Variants in CCSER1 observed in about 807,000 individuals in gnomAD.
CCSER1 encodes serine-rich coiled-coil domain-containing protein 1.
In CCSER1, 41 loss-of-function variants were observed where a neutral mutation model predicts 82.0. That is an observed-to-expected ratio of 0.50 (90% confidence interval 0.39 to 0.65). The LOEUF is 0.65. Ranked by LOEUF, CCSER1 falls within the 30% of genes least tolerant of loss-of-function variation. The pLI is 0.00. For synonymous variants in CCSER1, 414 were observed against 383.9 expected (o/e 1.08, Z -0.92); for missense variants, 1,119 against 1,064.2 (o/e 1.05, Z -0.72).
intron 7 of CCSER1, among the ~76,000 whole-genome samples, chr4:90,811,991 A>ACACACACAC (rs1561180858): frequency 8.5e-6 from 1 of 117,994 alleles, no homozygotes; most frequent in East Asian, 2.4e-4. Context: ...TATATATATA[A>ACACACACAC]ACACATATAT....
chr4:90,788,133 G>A (rs1433360025), intron 7 of CCSER1, among the ~76,000 whole-genome samples: 1 of 152,074 alleles, frequency 6.6e-6, no homozygotes, highest in East Asian at 1.9e-4. Context: ...ATAAGAATAA[G>A]CACTTGGAGA....
intron 10 of CCSER1, among the ~76,000 whole-genome samples, chr4:91,151,255 A>C (rs539465924): frequency 7.7e-4 from 117 of 152,000 alleles, no homozygotes; most frequent in South Asian, 1.5e-3. Context: ...GTTTATTTGC[A>C]TAGAGGTGCT....
At chr4:91,508,618 T>A (rs538592906) in intron 10 of CCSER1, among the ~76,000 whole-genome samples, 3 of 151,580 alleles carry the variant, frequency 2.0e-5, no homozygotes, top group Non-Finnish European at 4.4e-5. Context: ...ATTGACCATA[T>A]AGAATCATTT....
At chr4:90,347,568 G>C (rs911103881) in intron 3 of CCSER1, among the ~76,000 whole-genome samples, 1 of 152,084 alleles carries the variant, frequency 6.6e-6, no homozygotes, top group Admixed American at 6.5e-5. Context: ...CCCAGAACGT[G>C]AATCATCTCT....
chr4:90,461,498 G>T (rs1762923512), intron 4 of CCSER1, among the ~76,000 whole-genome samples: 1 of 152,140 alleles, frequency 6.6e-6, no homozygotes, highest in Non-Finnish European at 1.5e-5. Flanking sequence ...TTAAGGTATT[G>T]CCGATGACCT....
In CCSER1 at chr4:91,022,167, C is replaced by A. The variant is rs1317167914; in HGVS notation, c.2173-63783C>A. Reference sequence around the variant, plus strand: ...CCCTCCCCCCTCCCCCCACCCCACACCAGGCCCTGGTGTGTGATGTTCCCC... The same window carrying A: ...CCCTCCCCCCTCCCCCCACCCCACAACAGGCCCTGGTGTGTGATGTTCCCC... On this transcript the variant is annotated intron_variant, in intron 9 of 10. Transcript: ENST00000509176. 2.3e-5 allele frequency among the ~76,000 whole-genome samples: 3 copies of A among 128,558 alleles called. No individual in the cohort carries two copies. In the Admixed American group the frequency reaches 2.5e-4, roughly 11 times the overall value. The allele number at this position is 128,558 out of a possible 152,430, so 84.3% of individuals were successfully genotyped here.
intron 1 of CCSER1, among the ~76,000 whole-genome samples, chr4:90,267,035 T>G (rs1237459506): frequency 6.6e-6 from 1 of 152,004 alleles, no homozygotes; most frequent in Non-Finnish European, 1.5e-5. Flanking sequence ...CCAAGCCAAC[T>G]CTTGGGGTCC....
At chr4:90,422,850 CTT>C (rs149684199) in intron 4 of CCSER1, among the ~76,000 whole-genome samples, 2,043 of 152,274 alleles carry the variant, frequency 0.013, 40 homozygotes, top group African/African-American at 0.046. Flanking sequence ...TATTTTCAAA[CTT>C]TGTCCCAAGT....
chr4:91,466,508 A>T (rs1756916718), intron 10 of CCSER1, among the ~76,000 whole-genome samples: 1 of 152,176 alleles, frequency 6.6e-6, no homozygotes, highest in Admixed American at 6.5e-5. Context: ...GGCCAGGGCA[A>T]TCAGGCAAGA....
At chr4:90,671,585 C>CT (rs1732811970) in intron 6 of CCSER1, among the ~76,000 whole-genome samples, 1 of 151,974 alleles carries the variant, frequency 6.6e-6, no homozygotes, top group African/African-American at 2.4e-5. Context: ...ACTTCCTCTC[C>CT]TGAAGTCTTT....
At chr4:90,475,431 T>C (rs1244186572) in intron 5 of CCSER1, among the ~76,000 whole-genome samples, 1 of 152,206 alleles carries the variant, frequency 6.6e-6, no homozygotes, top group Non-Finnish European at 1.5e-5. Flanking sequence ...AGCTGTTGCC[T>C]AAATATAGGT....
Position 90,933,028 on chromosome 4 carries a change from G to GAAAGAAAGAAAGA in CCSER1, c.2172+9584_2172+9596dup, listed in dbSNP as rs1554046177. 6.9e-5 allele frequency among the ~76,000 whole-genome samples: 6 copies of GAAAGAAAGAAAGA among 87,056 alleles called. No individual in the cohort carries two copies. The East Asian group carries it at 1.6e-3, about 23-fold the overall frequency. 57.1% of individuals were successfully genotyped at this position (87,056 alleles called of 152,430 possible). On this transcript the variant is annotated intron_variant, in intron 9 of 10. Coordinates refer to ENST00000509176, the MANE Select transcript of CCSER1 (RefSeq NM_001145065.2). ...AGAAAGAAAGAAAGAAAGAAAGAAA[G>GAAAGAAAGAAAGA]AAAGAAAGAAAGAAAGAGAAGGAAG...
intron 10 of CCSER1, among the ~76,000 whole-genome samples, chr4:91,234,491 G>A (rs954454011): frequency 3.0e-4 from 46 of 152,020 alleles, no homozygotes; most frequent in African/African-American, 1.1e-3. Flanking sequence ...TGACCTAAAA[G>A]CCAGAAATAT....
rs541919965 is a variant in CCSER1 at position 91,122,521 on chromosome 4, G to T, written c.2217+36527G>T. ...GTTTTCCCTTCAACATGATTCTCCC[G>T]CAAAATCCTATTTTTAAAATGATGC... On this transcript the variant is annotated intron_variant, in intron 10 of 10. Transcript: ENST00000509176. 6.6e-5 allele frequency among the ~76,000 whole-genome samples: 10 copies of T among 151,226 alleles called. No individual in the cohort carries two copies. The South Asian group carries it at 1.7e-3, about 25-fold the overall frequency.
intron 8 of CCSER1, among the ~76,000 whole-genome samples, chr4:90,888,709 G>T (rs1366016409): frequency 6.6e-6 from 1 of 152,020 alleles, no homozygotes; most frequent in Non-Finnish European, 1.5e-5. Context: ...TGGGCCTAGA[G>T]ATACAAGTGA....
At chr4:90,368,209 A>T (rs908271194) in intron 3 of CCSER1, among the ~76,000 whole-genome samples, 12 of 152,026 alleles carry the variant, frequency 7.9e-5, no homozygotes, top group African/African-American at 2.9e-4. Context: ...ATTCAAATAA[A>T]GACAAGCTGT....
At chr4:90,748,568 A>G (rs372469502) in intron 7 of CCSER1, among the ~76,000 whole-genome samples, 4 of 149,676 alleles carry the variant, frequency 2.7e-5, no homozygotes, top group African/African-American at 7.3e-5. Flanking sequence ...GGGATGGCTG[A>G]GTCAAATGGT....
intron 9 of CCSER1, among the ~76,000 whole-genome samples, chr4:91,072,249 C>T (rs1236885681): frequency 6.6e-6 from 1 of 152,168 alleles, no homozygotes; most frequent in East Asian, 1.9e-4. Context: ...CACAGACACA[C>T]TCTATGAAAT....
intron 8 of CCSER1, among the ~76,000 whole-genome samples, chr4:90,834,179 A>G (rs774773717): frequency 1.6e-4 from 25 of 152,226 alleles, no homozygotes; most frequent in Non-Finnish European, 2.9e-4. Flanking sequence ...AGATTCCAGC[A>G]ATCAGCCCTC....
Sources: allele counts gnomAD v4.1 joint callset (sites outside exome capture counted in the v4.1 genomes callset), GRCh38; gene constraint gnomAD v4.1.1; transcripts MANE v1.5; gene names NCBI Gene and HGNC (gene_info 2026-07-23, HGNC 2026-07-21).